TAFA2: variants seen among roughly 807,000 people sequenced by gnomAD.
TAFA2 encodes the protein chemokine-like protein TAFA-2.
TAFA2 carries 7 observed loss-of-function variants against 18.8 expected under a neutral mutation model. The observed-to-expected ratio is 0.37, with a 90% CI of 0.21 to 0.70. The LOEUF is 0.70. TAFA2 is among the 30% of genes least tolerant of loss of function. The pLI is 0.53. For synonymous variants in TAFA2, 60 were observed against 54.2 expected (o/e 1.11, Z -0.47); for missense variants, 122 against 158.1 (o/e 0.77, Z 1.23).
Position 61,708,551 on chromosome 12 carries a change from A to G in TAFA2, c.*1855T>C, listed in dbSNP as rs1231234623. On this transcript the variant is annotated 3_prime_UTR_variant, in exon 5 of 5. Coordinates refer to ENST00000416284, the MANE Select transcript of TAFA2 (RefSeq NM_178539.5). ...ACTTGGTTACAAAGAAATTAATGAT[A>G]TTCTAATTGATGCAGAAACCCCAGG... is the stretch of plus-strand genomic sequence containing the variant. The G allele has an allele frequency of 1.3e-5, 2 of 152,086 alleles. No homozygotes were observed. Among genetic ancestry groups the G allele is most frequent in the African/African-American group, 4.8e-5 (2 of 41,434 alleles). The allele number at this position is 152,086 out of a possible 1,614,324, so 9.4% of individuals were successfully genotyped here.
intron 4 of TAFA2, among the ~76,000 whole-genome samples, chr12:61,746,965 T>C (rs929874223): frequency 3.3e-5 from 5 of 151,978 alleles, no homozygotes; most frequent in Non-Finnish European, 7.4e-5. Context: ...CACCACCTAC[T>C]CATCTGACAA....
intron 1 of TAFA2, among the ~76,000 whole-genome samples, chr12:62,067,417 A>C (rs1882518962): frequency 6.6e-6 from 1 of 151,982 alleles, no homozygotes; most frequent in Non-Finnish European, 1.5e-5. Context: ...AGTTTCCCCT[A>C]TGTTTTCTTT....
chr12:62,005,681 TATAGGG>T (rs1880522351), intron 1 of TAFA2, among the ~76,000 whole-genome samples: 1 of 152,096 alleles, frequency 6.6e-6, no homozygotes, highest in Non-Finnish European at 1.5e-5. Flanking sequence ...TCTCTAAGGT[TATAGGG>T]ATAAACTAGA....
At chr12:62,037,956 A>T (rs1047759312) in intron 1 of TAFA2, among the ~76,000 whole-genome samples, 1 of 152,200 alleles carries the variant, frequency 6.6e-6, no homozygotes, top group African/African-American at 2.4e-5. Context: ...AAAAACATCC[A>T]TATCCACATG....
chr12:61,947,613 G>A (rs75307605), intron 1 of TAFA2, among the ~76,000 whole-genome samples: 10,392 of 151,140 alleles, frequency 0.069, 467 homozygotes, highest in Non-Finnish European at 0.1. Flanking sequence ...TTGTTGAAAA[G>A]CCCACTCTAA....
At chr12:61,936,127 T>C (rs1361256697) in intron 1 of TAFA2, among the ~76,000 whole-genome samples, 1 of 152,060 alleles carries the variant, frequency 6.6e-6, no homozygotes, top group Admixed American at 6.6e-5. Context: ...AAAGATAATA[T>C]ACTATGATCT....
chr12:61,915,080 G>A (rs980383184), intron 1 of TAFA2, among the ~76,000 whole-genome samples: 36 of 152,152 alleles, frequency 2.4e-4, no homozygotes, highest in Admixed American at 2.2e-3. Context: ...AGAATTGCTT[G>A]AACCCAGGAG....
At chr12:62,252,089 A>G (rs1219326065) in intron 1 of TAFA2, 3 of 152,208 alleles carry the variant, frequency 2.0e-5, no homozygotes, top group African/African-American at 7.2e-5. Context: ...ACCATTCTAG[A>G]GTTTCCTCAC....
chr12:61,761,048 C>T (rs943265619), intron 2 of TAFA2, among the ~76,000 whole-genome samples: 2 of 151,910 alleles, frequency 1.3e-5, no homozygotes, highest in African/African-American at 2.4e-5. Context: ...AAGGTTATGG[C>T]CCTTATGTCT....
At chr12:62,080,168 T>A (rs1047800942) in intron 1 of TAFA2, among the ~76,000 whole-genome samples, 4 of 152,196 alleles carry the variant, frequency 2.6e-5, no homozygotes, top group Non-Finnish European at 5.9e-5. Context: ...ATTCTTGCCA[T>A]AGGGCCCCCT....
At chr12:61,977,849 G>T (rs1879491425) in intron 1 of TAFA2, among the ~76,000 whole-genome samples, 1 of 151,988 alleles carries the variant, frequency 6.6e-6, no homozygotes, top group South Asian at 2.1e-4. Context: ...GCACAGTGGT[G>T]CCCTCATCTT....
chr12:61,719,502 T>G (rs982889407), intron 4 of TAFA2, among the ~76,000 whole-genome samples: 3 of 152,100 alleles, frequency 2.0e-5, no homozygotes, highest in African/African-American at 7.2e-5. Flanking sequence ...CACACCTATA[T>G]GACTGCATCC....
chr12:62,211,702 A>T lies in TAFA2; in HGVS notation c.-130+47061T>A, dbSNP rs79388527. The stretch of plus-strand genomic sequence containing the variant: ...GGGTTGGGCTTAGGCTCCCTGAGTC[A>T]ACCGCTATTGTGAAATCCTATCTTT... On this transcript the variant is annotated intron_variant, in intron 1 of 5. Coordinates refer to the TAFA2 transcript ENST00000551619. Among the ~76,000 whole-genome samples the T allele has an allele frequency of 8.0e-3, 1,211 of 152,298 alleles. 15 individuals are homozygous for T. The highest frequency in any genetic ancestry group is 0.027 in the African/African-American group (1,111 of 41,568).
chr12:61,947,675 A>C (rs933870385), intron 1 of TAFA2, among the ~76,000 whole-genome samples: 1 of 152,090 alleles, frequency 6.6e-6, no homozygotes, highest in Non-Finnish European at 1.5e-5. Context: ...CCAACAATAC[A>C]TGCTCTAAGA....
At chr12:62,153,191 T>C (rs1323947835) in intron 1 of TAFA2, among the ~76,000 whole-genome samples, 1 of 152,114 alleles carries the variant, frequency 6.6e-6, no homozygotes, top group Non-Finnish European at 1.5e-5. Flanking sequence ...ACAACAAAAA[T>C]GGATTTATCT....
At chr12:61,796,788 A>T (rs1458364604) in intron 2 of TAFA2, among the ~76,000 whole-genome samples, 1 of 152,160 alleles carries the variant, frequency 6.6e-6, no homozygotes, top group African/African-American at 2.4e-5. Context: ...CCTTCAATTT[A>T]TCTTAAATTT....
intron 1 of TAFA2, among the ~76,000 whole-genome samples, chr12:62,203,432 T>G (rs1216403099): frequency 6.6e-6 from 1 of 152,194 alleles, no homozygotes; most frequent in African/African-American, 2.4e-5. Flanking sequence ...ATATTGACAG[T>G]GGGGTGTTAA....
intron 2 of TAFA2, among the ~76,000 whole-genome samples, chr12:61,789,505 C>T (rs1453269707): frequency 6.6e-6 from 1 of 151,738 alleles, no homozygotes; most frequent in Non-Finnish European, 1.5e-5. Flanking sequence ...AACACACAGA[C>T]ACAGGGAGGG....
chr12:62,141,312 C>T (rs183687553), intron 1 of TAFA2, among the ~76,000 whole-genome samples: 86 of 152,228 alleles, frequency 5.6e-4, no homozygotes, highest in Admixed American at 7.8e-4. Context: ...TATAGCACTG[C>T]GAGAATGGGG....
Sources: gnomAD v4.1 joint callset for allele counts (sites outside exome capture counted in the v4.1 genomes callset) on GRCh38, gnomAD v4.1.1 for gene constraint, MANE v1.5 for transcripts, NCBI Gene and HGNC (gene_info 2026-07-23, HGNC 2026-07-21) for gene names.